The following TENM2 variants were observed in gnomAD, a reference collection of about 807,000 sequenced individuals.
The protein encoded by TENM2 is teneurin transmembrane protein 2.
TENM2 carries 52 observed loss-of-function variants against 245.2 expected under a neutral mutation model. The ratio of observed to expected loss-of-function variants is 0.21; its 90% CI spans 0.17 to 0.27. The LOEUF is 0.27. Ranked by LOEUF, TENM2 falls within the 10% of genes least tolerant of loss-of-function variation. The probability of loss-of-function intolerance (pLI) is 1.00; values close to 1 mark genes in which losing one functional copy is unlikely to be tolerated. For missense variants in TENM2, 3,046 were observed against 3,666.8 expected (o/e 0.83, Z 4.37); for synonymous variants, 1,363 against 1,438.9 (o/e 0.95, Z 1.19).
chr5:167,030,825 G>A, the TENM2 span, among the ~76,000 whole-genome samples: 2 of 152,152 alleles, frequency 1.3e-5, no homozygotes, highest in Non-Finnish European at 2.9e-5. Context: ...GCTGATGCCT[G>A]CCAGACACCC....
At chr5:167,248,311 T>G in the TENM2 span, among the ~76,000 whole-genome samples, 3 of 152,162 alleles carry the variant, frequency 2.0e-5, no homozygotes, top group East Asian at 5.8e-4. Context: ...TGTGAACGTG[T>G]TGAGCGTCCA....
intron 2 of TENM2, among the ~76,000 whole-genome samples, chr5:167,702,349 G>A (rs72830077): frequency 0.017 from 2,512 of 151,974 alleles, 28 homozygotes; most frequent in South Asian, 0.044. Flanking sequence ...GTCTTTCCAT[G>A]GGAAAGTTCT....
At chr5:168,077,082 A>T (rs1322577368) in intron 7 of TENM2, among the ~76,000 whole-genome samples, 1 of 152,200 alleles carries the variant, frequency 6.6e-6, no homozygotes, top group Admixed American at 6.5e-5. Flanking sequence ...TATGCAAAAC[A>T]GGAATAATTT....
chr5:167,117,667 T>A, the TENM2 span, among the ~76,000 whole-genome samples: 1 of 152,100 alleles, frequency 6.6e-6, no homozygotes, highest in East Asian at 1.9e-4. Context: ...TCTTTAGAGG[T>A]CATCACCTAC....
the TENM2 span, among the ~76,000 whole-genome samples, chr5:167,207,615 T>A: frequency 5.4e-3 from 829 of 152,328 alleles, 7 homozygotes; most frequent in African/African-American, 0.019. Flanking sequence ...TAGAGTCCTC[T>A]CTGTTCCAGG....
At chr5:167,774,463 A>T in intron 2 of TENM2, among the ~76,000 whole-genome samples, 1 of 152,162 alleles carries the variant, frequency 6.6e-6, no homozygotes, top group East Asian at 1.9e-4. Context: ...ACGTGGATGC[A>T]TTGACCCAGG....
the TENM2 span, among the ~76,000 whole-genome samples, chr5:167,178,778 G>A: frequency 3.3e-5 from 5 of 152,254 alleles, no homozygotes; most frequent in East Asian, 9.6e-4. Context: ...TCTCAACAGA[G>A]GGAAAAGAGT....
At chr5:167,989,688 G>A (rs1456536851) in intron 4 of TENM2, among the ~76,000 whole-genome samples, 5 of 152,148 alleles carry the variant, frequency 3.3e-5, no homozygotes, top group Non-Finnish European at 1.5e-5. Flanking sequence ...GCTAAAGGAC[G>A]GGGTTGGTGG....
intron 1 of TENM2, among the ~76,000 whole-genome samples, chr5:167,291,749 A>G (rs1482976153): frequency 6.6e-6 from 1 of 152,218 alleles, no homozygotes; most frequent in African/African-American, 2.4e-5. Flanking sequence ...CAGGAAAGAA[A>G]GACTCTGATA....
intron 1 of TENM2, among the ~76,000 whole-genome samples, chr5:167,373,887 A>G (rs1760587191): frequency 6.6e-6 from 1 of 152,208 alleles, no homozygotes; most frequent in African/African-American, 2.4e-5. Context: ...CTGACACCTA[A>G]TAACACACGT....
At chr5:167,630,136 T>TC (rs1778771423) in intron 2 of TENM2, among the ~76,000 whole-genome samples, 1 of 121,578 alleles carries the variant, frequency 8.2e-6, no homozygotes, top group South Asian at 2.6e-4. Context: ...CTCAGCATCC[T>TC]TTTTTTTTTT....
chr5:168,179,973 C>T (rs1759719724), intron 13 of TENM2, among the ~76,000 whole-genome samples: 1 of 152,188 alleles, frequency 6.6e-6, no homozygotes, highest in Admixed American at 6.5e-5. Context: ...CACAGGGTCC[C>T]CACTCTAAAA....
intron 4 of TENM2, among the ~76,000 whole-genome samples, chr5:167,960,566 C>T (rs1833763): frequency 0.13 from 19,113 of 151,596 alleles, 1,812 homozygotes; most frequent in African/African-American, 0.25. Context: ...CTGGAGCATC[C>T]CAGGTCAACT....
the TENM2 span, among the ~76,000 whole-genome samples, chr5:167,122,577 TC>T: frequency 6.6e-6 from 1 of 152,334 alleles, no homozygotes; most frequent in East Asian, 1.9e-4. Flanking sequence ...TTCCATGTTC[TC>T]CTTCCACATA....
At chr5:167,278,488 T>A in the TENM2 span, among the ~76,000 whole-genome samples, 460 of 152,330 alleles carry the variant, frequency 3.0e-3, 13 homozygotes, top group East Asian at 0.058. Context: ...TCTCACATTC[T>A]CTGTACTTTT....
At chr5:167,061,797 G>A in the TENM2 span, among the ~76,000 whole-genome samples, 1 of 151,708 alleles carries the variant, frequency 6.6e-6, no homozygotes, top group African/African-American at 2.4e-5. Context: ...CAGTAACACA[G>A]ACAATGTGTT....
Position 168,200,737 on chromosome 5 carries a change from C to T in TENM2, c.3430+606C>T, listed in dbSNP as rs144734649. ...AGGGCTTTGCCTTTTGAAGGAATCA[C>T]GATTCCCTCCTTATGAAAGATCTTC... On this transcript the variant is annotated intron_variant, in intron 17 of 28. Transcript: ENST00000518659. Among the ~76,000 whole-genome samples, 362 of 152,246 alleles carry T rather than the reference C, an allele frequency of 2.4e-3. 4 individuals are homozygous for T. Among genetic ancestry groups the T allele is most frequent in the African/African-American group, 8.2e-3 (341 of 41,534 alleles).
At chr5:167,914,692 C>G (rs1040200661) in intron 3 of TENM2, among the ~76,000 whole-genome samples, 2 of 152,172 alleles carry the variant, frequency 1.3e-5, no homozygotes, top group African/African-American at 4.8e-5. Context: ...AAGGTGTCAG[C>G]AGGGCCATGC....
intron 9 of TENM2, among the ~76,000 whole-genome samples, chr5:168,107,756 C>G (rs1367010973): frequency 6.6e-6 from 1 of 152,202 alleles, no homozygotes; most frequent in Non-Finnish European, 1.5e-5. Context: ...TTTGCTCAGG[C>G]TGATTTTTCA....
Sources: gnomAD v4.1 joint callset for allele counts (sites outside exome capture counted in the v4.1 genomes callset) on GRCh38, gnomAD v4.1.1 for gene constraint, MANE v1.5 for transcripts, NCBI Gene and HGNC (gene_info 2026-07-23, HGNC 2026-07-21) for gene names.